The following FBXO40 variants were observed in gnomAD, a reference collection of about 807,000 sequenced individuals.
The protein encoded by FBXO40 is F-box protein 40, also known as F-box only protein 40.
Under a neutral mutation model 49.9 loss-of-function variants are expected in FBXO40, and 50 were observed. That is an observed-to-expected ratio of 1.00 (90% confidence interval 0.80 to 1.27). The LOEUF (loss-of-function observed/expected upper bound fraction) is 1.27, where lower values mean the gene tolerates loss of function less well. FBXO40 is among the 50% of genes most tolerant of loss of function. The probability of loss-of-function intolerance (pLI) is 0.00; values close to 1 mark genes in which losing one functional copy is unlikely to be tolerated. For missense variants in FBXO40, 895 were observed against 870.1 expected (o/e 1.03, Z -0.36); for synonymous variants, 340 against 320.2 (o/e 1.06, Z -0.66).
At chr3:121,626,624 A>G in intron 3 of FBXO40, 71 bp from the exon 4 acceptor site, 1 of 1,335,066 alleles carries the variant, frequency 7.5e-7, no homozygotes, top group Non-Finnish European at 1.1e-6. Flanking sequence ...ATTTCCTTAT[A>G]GTGCCCAAAT....
chr3:121,621,817 G>A lies in FBXO40; in HGVS notation c.388G>A (p.Ala130Thr). ...PSEECLDTAL[A>T]LQDQKVLFRS... ...TGAGGAGTGTTTGGACACAGCCCTG[G>A]CCCTGCAGGATCAGAAGGTCCTCTT... The change falls in exon 3 of 4, where the codon GCC (alanine) becomes ACC (threonine). Residue 130 changes from alanine to threonine, a missense_variant. Ala to Thr is a moderately conservative substitution (Grantham distance 58). Coordinates refer to ENST00000338040, the MANE Select transcript of FBXO40 (RefSeq NM_016298.4). 1 of 1,614,194 alleles carries A rather than the reference G, an allele frequency of 6.2e-7. No homozygotes were observed. Among genetic ancestry groups the A allele is most frequent in the Non-Finnish European group, 8.5e-7 (1 of 1,180,032 alleles).
At chr3:121,618,386 G>T (rs1334805180) in intron 1 of FBXO40, among the ~76,000 whole-genome samples, 30 of 120,188 alleles carry the variant, frequency 2.5e-4, no homozygotes, top group South Asian at 5.3e-4. Context: ...TTTCCTTCTT[G>T]TTTTTTTTTT....
chr3:121,600,668 T>G (rs2048897360), intron 1 of FBXO40, among the ~76,000 whole-genome samples: 1 of 152,220 alleles, frequency 6.6e-6, no homozygotes, highest in Non-Finnish European at 1.5e-5. Flanking sequence ...CCAAGTGTGA[T>G]GTAGCAAAGA....
chr3:121,621,799 T>C lies in FBXO40; in HGVS notation c.370T>C (p.Cys124Arg), dbSNP rs767611473. 3.7e-6 allele frequency: 6 copies of C among 1,613,618 alleles called. No individual in the cohort carries two copies. The highest frequency in any genetic ancestry group is 4.2e-6 in the Non-Finnish European group (5 of 1,179,878). The change falls in exon 3 of 4, where the codon TGT becomes CGT. Residue 124 changes from cysteine (C) to arginine (R), a missense_variant. Transcript: ENST00000338040. ...CATGAAAGAGACCCCCAGTGAGGAG[T>C]GTTTGGACACAGCCCTGGCCCTGCA... ...NIMKETPSEECLDTALALQDQ... is the reference protein window; with the variant it reads ...NIMKETPSEERLDTALALQDQ...
chr3:121,593,664 ATC>A (rs1216323212), intron 1 of FBXO40, among the ~76,000 whole-genome samples, 162 bp downstream of exon 1: 1 of 152,176 alleles, frequency 6.6e-6, no homozygotes, highest in Non-Finnish European at 1.5e-5. Context: ...TGAGAATGAG[ATC>A]CAGCCGTGTG....
chr3:121,621,340 G>A lies in FBXO40; in HGVS notation c.4-93G>A, dbSNP rs556807448. On this transcript the variant is annotated intron_variant, in intron 2 of 3. Coordinates refer to ENST00000338040, the MANE Select transcript of FBXO40 (RefSeq NM_016298.4). ...TTTCTACAAAAAGCAGGTATAAACA[G>A]GAAATATGTCAATTAAAACACAGTC... is the stretch of plus-strand genomic sequence containing the variant. 5.3e-5 allele frequency: 61 copies of A among 1,144,344 alleles called. No homozygotes were observed. In the African/African-American group the frequency reaches 8.3e-4, roughly 16 times the overall value. The allele number at this position is 1,144,344 out of a possible 1,614,324, so 70.9% of individuals were successfully genotyped here.
rs139609092 is a variant in FBXO40 at position 121,621,630 on chromosome 3, C to T, written c.201C>T (p.Asn67=). 1.3e-3 allele frequency: 2,072 copies of T among 1,614,232 alleles called. 26 individuals carry two copies. The African/African-American group carries it at 0.022, about 17-fold the overall frequency. The stretch of plus-strand genomic sequence containing the variant: ...CTTTAGAGCAGGTTCCGTGCCTCAA[C>T]TCCGAATATGGCTGCCCTCTGTCCA... ...LCPLEQVPCL[N]SEYGCPLSMS... is the part of the protein sequence containing the mutation. Residue 67 remains asparagine (N), a synonymous_variant, in exon 3 of 4, where the codon AAC becomes AAT. Coordinates refer to ENST00000338040, the MANE Select transcript of FBXO40 (RefSeq NM_016298.4).
chr3:121,596,184 C>T lies in FBXO40; in HGVS notation c.-31+2682C>T, dbSNP rs577910235. Among the ~76,000 whole-genome samples the T allele has an allele frequency of 1.6e-4, 24 of 152,344 alleles. No homozygotes were observed. In the South Asian group the frequency reaches 2.9e-3, roughly 18 times the overall value. On this transcript the variant is annotated intron_variant, in intron 1 of 3. Transcript: ENST00000338040. ...TCACCACCTCCTCCTCCTTCTTCCA[C>T]GCTTTGTCCTACTCTGCCCTTGGTA...
chr3:121,621,818 C>T lies in FBXO40; in HGVS notation c.389C>T (p.Ala130Val), dbSNP rs2049033001. 1 of 1,614,174 alleles carries T rather than the reference C, an allele frequency of 6.2e-7. No individual in the cohort carries two copies. Among genetic ancestry groups the T allele is most frequent in the East Asian group, 2.2e-5 (1 of 44,888 alleles). ...GAGGAGTGTTTGGACACAGCCCTGG[C>T]CCTGCAGGATCAGAAGGTCCTCTTC... ...PSEECLDTALALQDQKVLFRS... is the reference protein window; with the variant it reads ...PSEECLDTALVLQDQKVLFRS... Residue 130 changes from alanine to valine, a missense_variant, in exon 3 of 4, where the codon GCC (alanine) becomes GTC (valine). By Grantham distance (64) the Ala-to-Val change is moderately conservative (BLOSUM62 0). Coordinates refer to ENST00000338040, the MANE Select transcript of FBXO40 (RefSeq NM_016298.4).
At chr3:121,610,256 C>G (rs2048957603) in intron 1 of FBXO40, among the ~76,000 whole-genome samples, 1 of 152,148 alleles carries the variant, frequency 6.6e-6, no homozygotes, top group Non-Finnish European at 1.5e-5. Context: ...AAAAGCTGGG[C>G]CTTTGGGAGG....
At chr3:121,620,708 T>A (rs889092210) in intron 2 of FBXO40, 130 bp downstream of exon 2, 6 of 1,120,200 alleles carry the variant, frequency 5.4e-6, no homozygotes, top group African/African-American at 1.6e-5. Flanking sequence ...TTTTCCAAAC[T>A]AGAGATGCTG....
chr3:121,611,659 T>C (rs899438533), intron 1 of FBXO40, among the ~76,000 whole-genome samples: 9 of 152,206 alleles, frequency 5.9e-5, no homozygotes, highest in Non-Finnish European at 1.3e-4. Context: ...CCTCTTTTAC[T>C]AATCCACCTC....
intron 1 of FBXO40, among the ~76,000 whole-genome samples, chr3:121,596,717 G>T (rs1385837850): frequency 6.6e-6 from 1 of 151,928 alleles, no homozygotes; most frequent in African/African-American, 2.4e-5. Flanking sequence ...GCCCACTGAG[G>T]TCTTTTCTTC....
chr3:121,618,296 AT>A (rs2049009473), intron 1 of FBXO40, among the ~76,000 whole-genome samples: 1 of 151,638 alleles, frequency 6.6e-6, no homozygotes, highest in Non-Finnish European at 1.5e-5. Context: ...GTGAGACAAT[AT>A]TATTATAAGT....
rs1321861207 is a variant in FBXO40, at chr3:121,622,491, G to A, written c.1062G>A (p.Val354=). The A allele has an allele frequency of 1.2e-6, 2 of 1,614,206 alleles. No homozygotes were observed. Among genetic ancestry groups the A allele is most frequent in the Non-Finnish European group, 8.5e-7 (1 of 1,180,044 alleles). ...VKTVYTFKVP[V]SYCGKRARLG... is the part of the protein sequence containing the mutation. The stretch of plus-strand genomic sequence containing the variant: ...CTGTTTACACCTTCAAAGTTCCTGT[G>A]AGCTACTGTGGAAAGCGAGCTCGAC... Residue 354 remains valine (V), a synonymous_variant, in exon 3 of 4, where the codon GTG becomes GTA. Transcript: ENST00000338040.
Position 121,629,369 on chromosome 3 carries a change from A to C in FBXO40, c.*2459A>C, listed in dbSNP as rs780894312. The C allele has an allele frequency of 1.3e-5, 2 of 152,210 alleles. No homozygotes were observed. Among genetic ancestry groups the C allele is most frequent in the Non-Finnish European group, 2.9e-5 (2 of 68,050 alleles). 9.4% of individuals were successfully genotyped at this position (152,210 alleles called of 1,614,324 possible). A position where few individuals can be genotyped will look rare whatever the true frequency, so the allele number is the denominator to read the frequency against. ...GGAAAGAAGCTAACACTGCAGTGGG[A>C]AGGAAGGAAGAGAGTTGTCCAGGTG... On this transcript the variant is annotated 3_prime_UTR_variant, in exon 4 of 4. Transcript: ENST00000338040.
chr3:121,601,714 C>T (rs1388508755), intron 1 of FBXO40, among the ~76,000 whole-genome samples: 1 of 152,228 alleles, frequency 6.6e-6, no homozygotes, highest in Non-Finnish European at 1.5e-5. Context: ...ACAGAACAGG[C>T]TGGCATATAT....
chr3:121,596,653 C>A (rs2048874329), intron 1 of FBXO40, among the ~76,000 whole-genome samples: 1 of 152,154 alleles, frequency 6.6e-6, no homozygotes, highest in South Asian at 2.1e-4. Context: ...AGAACAAGTA[C>A]TTTAATCCCC....
intron 1 of FBXO40, among the ~76,000 whole-genome samples, chr3:121,598,600 TAGA>T (rs1441153233): frequency 2.0e-5 from 3 of 152,128 alleles, no homozygotes; most frequent in African/African-American, 4.8e-5. Flanking sequence ...TGGTGCAAAA[TAGA>T]AGGAGTGAGA....
Sources: allele counts gnomAD v4.1 joint callset (sites outside exome capture counted in the v4.1 genomes callset), GRCh38; gene constraint gnomAD v4.1.1; transcripts MANE v1.5; gene names NCBI Gene and HGNC (gene_info 2026-07-23, HGNC 2026-07-21).